KCNIP4: variants seen among roughly 807,000 people sequenced by gnomAD.
KCNIP4 encodes the protein Kv channel-interacting protein 4.
A neutral mutation model predicts 34.0 loss-of-function variants in KCNIP4; 12 were observed. That is an observed-to-expected ratio of 0.35 (90% confidence interval 0.23 to 0.57). The LOEUF is 0.57. Among genes scored for constraint, KCNIP4 ranks in the 20% least tolerant of loss-of-function variants. The probability of loss-of-function intolerance (pLI) is 0.83; values close to 1 mark genes in which losing one functional copy is unlikely to be tolerated. For missense variants in KCNIP4, 238 were observed against 311.7 expected (o/e 0.76, Z 1.78); for synonymous variants, 124 against 102.2 (o/e 1.21, Z -1.29).
At chr4:21,884,253 A>G (rs1188781939) in intron 1 of KCNIP4, among the ~76,000 whole-genome samples, 1 of 152,084 alleles carries the variant, frequency 6.6e-6, no homozygotes, top group Non-Finnish European at 1.5e-5. Flanking sequence ...TATGCAACAT[A>G]ACACTTCATT....
intron 1 of KCNIP4, among the ~76,000 whole-genome samples, chr4:21,346,938 A>C (rs991920249): frequency 9.2e-5 from 14 of 152,202 alleles, no homozygotes; most frequent in Non-Finnish European, 2.9e-5. Flanking sequence ...AGTGAAATTC[A>C]TACTTCTAGA....
chr4:21,500,727 C>T (rs1415966302), intron 1 of KCNIP4, among the ~76,000 whole-genome samples: 1 of 152,114 alleles, frequency 6.6e-6, no homozygotes, highest in Non-Finnish European at 1.5e-5. Flanking sequence ...ACACATGTGA[C>T]TCTTCATATG....
rs6838689 is a variant in KCNIP4 at position 20,942,202 on chromosome 4, A to G, written c.62-59493T>C. On this transcript the variant is annotated intron_variant, in intron 1 of 8. Transcript: ENST00000382152. ...AATGCATTCCCTGGCCACTGCTGCA[A>G]TGAGTGAGAGATTAAGTGAGTGTGA... is the stretch of plus-strand genomic sequence containing the variant. 6.5e-3 allele frequency among the ~76,000 whole-genome samples: 992 copies of G among 152,300 alleles called. 7 individuals carry two copies. The highest frequency in any genetic ancestry group is 0.023 in the African/African-American group (937 of 41,572).
intron 1 of KCNIP4, among the ~76,000 whole-genome samples, chr4:21,900,503 T>C (rs931228128): frequency 1.3e-5 from 2 of 152,164 alleles, no homozygotes; most frequent in Non-Finnish European, 2.9e-5. Flanking sequence ...GTAGTACCAA[T>C]CCAGTAAGCT....
At chr4:21,300,954 G>A (rs1711596402) in intron 1 of KCNIP4, among the ~76,000 whole-genome samples, 1 of 152,144 alleles carries the variant, frequency 6.6e-6, no homozygotes, top group Non-Finnish European at 1.5e-5. Flanking sequence ...CAAGGTTAGA[G>A]AAAGCAAGAG....
chr4:21,765,819 G>GAAAAA (rs374486594), intron 1 of KCNIP4, among the ~76,000 whole-genome samples: 85 of 95,020 alleles, frequency 8.9e-4, no homozygotes, highest in Non-Finnish European at 1.6e-3. Context: ...ACCAGGCCGT[G>GAAAAA]AAAAAAAAAA....
intron 1 of KCNIP4, among the ~76,000 whole-genome samples, chr4:20,896,283 A>T (rs1301427996): frequency 6.6e-6 from 1 of 152,148 alleles, no homozygotes; most frequent in Non-Finnish European, 1.5e-5. Context: ...CCCCTGTAGG[A>T]ATTTAACTTT....
At chr4:21,354,109 GT>G (rs1439145570) in intron 1 of KCNIP4, among the ~76,000 whole-genome samples, 1 of 152,126 alleles carries the variant, frequency 6.6e-6, no homozygotes, top group Non-Finnish European at 1.5e-5. Context: ...GAGAGATTTT[GT>G]CACCACCAGG....
At chr4:21,633,882 G>T (rs74949249) in intron 1 of KCNIP4, among the ~76,000 whole-genome samples, 1 of 151,920 alleles carries the variant, frequency 6.6e-6, no homozygotes, top group Admixed American at 6.6e-5. Context: ...GATTGGCATT[G>T]CTTTACATTT....
At chr4:20,739,023 A>T (rs1330262081) in intron 5 of KCNIP4, among the ~76,000 whole-genome samples, 1 of 152,168 alleles carries the variant, frequency 6.6e-6, no homozygotes. Flanking sequence ...ACTGCAAGGC[A>T]ACAGTGAGGC....
At chr4:21,887,885 T>G (rs1206241596) in intron 1 of KCNIP4, among the ~76,000 whole-genome samples, 1 of 152,176 alleles carries the variant, frequency 6.6e-6, no homozygotes, top group African/African-American at 2.4e-5. Context: ...GAAATTACTT[T>G]TTGAATTTCC....
chr4:20,960,993 C>T (rs1363941689), intron 1 of KCNIP4, among the ~76,000 whole-genome samples: 4 of 152,110 alleles, frequency 2.6e-5, no homozygotes, highest in Admixed American at 6.6e-5. Context: ...GTGTAATTTA[C>T]TTCACAAACA....
intron 1 of KCNIP4, among the ~76,000 whole-genome samples, chr4:21,321,799 A>AGGAAGG (rs370739034): frequency 7.3e-6 from 1 of 136,518 alleles, no homozygotes; most frequent in African/African-American, 2.8e-5. Flanking sequence ...GGAAGGAGGG[A>AGGAAGG]GGGAGAAGAG....
At chr4:21,326,710 T>C (rs116017536) in intron 1 of KCNIP4, among the ~76,000 whole-genome samples, 2,421 of 152,052 alleles carry the variant, frequency 0.016, 54 homozygotes, top group African/African-American at 0.055. Flanking sequence ...TTTTCGGTTT[T>C]CTCTTCCTTT....
intron 3 of KCNIP4, among the ~76,000 whole-genome samples, chr4:20,832,159 A>G (rs2322772): frequency 0.18 from 26,915 of 152,084 alleles, 2,545 homozygotes; most frequent in South Asian, 0.39. Flanking sequence ...TTCTTATTAC[A>G]GGCACTAAAT....
At chr4:21,306,253 A>G (rs764772344) in intron 1 of KCNIP4, among the ~76,000 whole-genome samples, 1 of 152,256 alleles carries the variant, frequency 6.6e-6, no homozygotes, top group South Asian at 2.1e-4. Context: ...TGCAAAACCC[A>G]TTACTTCATC....
intron 1 of KCNIP4, among the ~76,000 whole-genome samples, chr4:21,069,533 G>A (rs1577634306): frequency 1.3e-5 from 2 of 152,072 alleles, no homozygotes; most frequent in East Asian, 3.9e-4. Context: ...CCTTTCACTT[G>A]CCCGGAGAAG....
intron 3 of KCNIP4, among the ~76,000 whole-genome samples, chr4:20,818,000 G>A (rs1560487593): frequency 6.6e-6 from 1 of 152,120 alleles, no homozygotes; most frequent in Non-Finnish European, 1.5e-5. Flanking sequence ...TTGGATTCAT[G>A]GCAAGTTGAT....
At chr4:21,819,314 T>G (rs886373013) in intron 1 of KCNIP4, among the ~76,000 whole-genome samples, 1 of 152,124 alleles carries the variant, frequency 6.6e-6, no homozygotes, top group African/African-American at 2.4e-5. Flanking sequence ...TCCCCAACCC[T>G]CCCAGCCAAC....
Sources: gnomAD v4.1 joint callset for allele counts (sites outside exome capture counted in the v4.1 genomes callset) on GRCh38, gnomAD v4.1.1 for gene constraint, MANE v1.5 for transcripts, NCBI Gene and HGNC (gene_info 2026-07-23, HGNC 2026-07-21) for gene names.